The following TBC1D12 variants were observed in gnomAD, a reference collection of about 807,000 sequenced individuals.
TBC1D12 encodes the protein TBC1 domain family member 12, also known as TBC1 domain family, member 12.
In TBC1D12, 56 loss-of-function variants were observed where a neutral mutation model predicts 86.7. The observed-to-expected ratio is 0.65, with a 90% CI of 0.52 to 0.81. The LOEUF is 0.81. Ranked by LOEUF, TBC1D12 falls within the 30% of genes least tolerant of loss-of-function variation. TBC1D12 has a pLI of 0.00. For synonymous variants in TBC1D12, 421 were observed against 411.7 expected (o/e 1.02, Z -0.27); for missense variants, 1,023 against 1,038.8 (o/e 0.98, Z 0.21).
intron 6 of TBC1D12, among the ~76,000 whole-genome samples, chr10:94,502,976 AGT>A (rs1288791032): frequency 1.3e-5 from 2 of 152,192 alleles, no homozygotes; most frequent in Non-Finnish European, 2.9e-5. Context: ...ATGTACATAA[AGT>A]GTGCATCTAC....
In TBC1D12 at chr10:94,479,985, C is replaced by T. The variant is rs950412951; in HGVS notation, c.1211+5202C>T. 4.6e-5 allele frequency among the ~76,000 whole-genome samples: 7 copies of T among 152,154 alleles called. No homozygotes were observed. The South Asian group carries it at 1.2e-3, about 27-fold the overall frequency. On this transcript the variant is annotated intron_variant, in intron 3 of 12. Transcript: ENST00000225235. ...TGGTGACCTTATGCTAACCGCAGAA[C>T]GGGCTTGGGGACCCACTGGGCCCAC...
intron 6 of TBC1D12, among the ~76,000 whole-genome samples, chr10:94,504,821 A>AT: frequency 6.6e-6 from 1 of 152,358 alleles, no homozygotes; most frequent in East Asian, 1.9e-4. Flanking sequence ...TAATATCATA[A>AT]TTGTCACAAA....
At chr10:94,412,653 A>G (rs1487051915) in intron 1 of TBC1D12, among the ~76,000 whole-genome samples, 2 of 152,238 alleles carry the variant, frequency 1.3e-5, no homozygotes, top group African/African-American at 4.8e-5. Context: ...CATGCATTTC[A>G]TACTTAGTAT....
At chr10:94,477,657 A>G (rs2134151007) in intron 3 of TBC1D12, among the ~76,000 whole-genome samples, 2 of 152,284 alleles carry the variant, frequency 1.3e-5, no homozygotes, top group Middle Eastern at 3.4e-3. Flanking sequence ...CTGTTTATGG[A>G]TGCAGGCAGA....
rs934064732 is a variant in TBC1D12 at position 94,501,927 on chromosome 10, G to A, written c.1519+1600G>A. On this transcript the variant is annotated intron_variant, in intron 6 of 12. Transcript: ENST00000225235. Reference sequence around the variant, plus strand: ...GCCTGTAGTCCTAGCTACTTGGGAGGTTTAGATGGGAGGATTGCTTGAGCC... The same window carrying A: ...GCCTGTAGTCCTAGCTACTTGGGAGATTTAGATGGGAGGATTGCTTGAGCC... Among the ~76,000 whole-genome samples the A allele has an allele frequency of 5.9e-5, 9 of 152,172 alleles. No homozygotes were observed. The South Asian group carries it at 1.9e-3, about 32-fold the overall frequency.
At chr10:94,504,228 G>A (rs2056434099) in intron 6 of TBC1D12, among the ~76,000 whole-genome samples, 1 of 152,130 alleles carries the variant, frequency 6.6e-6, no homozygotes, top group South Asian at 2.1e-4. Context: ...AGTTATGTTT[G>A]CAATTTTTAT....
At chr10:94,477,045 A>T (rs1290131948) in intron 3 of TBC1D12, among the ~76,000 whole-genome samples, 1 of 152,238 alleles carries the variant, frequency 6.6e-6, no homozygotes, top group African/African-American at 2.4e-5. Flanking sequence ...CAATAACATT[A>T]TGAAAAGAAC....
chr10:94,517,011 G>A (rs1166631825), intron 9 of TBC1D12, among the ~76,000 whole-genome samples: 1 of 151,884 alleles, frequency 6.6e-6, no homozygotes, highest in African/African-American at 2.4e-5. Context: ...GCCTCCCAAA[G>A]TGCTGGGTTT....
At chr10:94,436,596 A>G (rs1012775273) in intron 1 of TBC1D12, among the ~76,000 whole-genome samples, 13 of 152,048 alleles carry the variant, frequency 8.5e-5, no homozygotes, top group African/African-American at 3.1e-4. Flanking sequence ...CTATCTTTCT[A>G]TTTAATGAGG....
chr10:94,473,019 T>C (rs778491420), intron 2 of TBC1D12, among the ~76,000 whole-genome samples: 10 of 151,940 alleles, frequency 6.6e-5, no homozygotes, highest in Non-Finnish European at 1.3e-4. Flanking sequence ...ACCAAATAAG[T>C]TGTTTTTTAA....
rs1280991737 is a variant in TBC1D12, at chr10:94,414,328, G to C, written c.971+10744G>C. On this transcript the variant is annotated intron_variant, in intron 1 of 12. Coordinates refer to ENST00000225235, the MANE Select transcript of TBC1D12 (RefSeq NM_015188.2). ...AAGTATAGTACGAGAAACTATTAGA[G>C]AATGAGTTTGAAGATATTCGTAGAG... is the stretch of plus-strand genomic sequence containing the variant. Among the ~76,000 whole-genome samples the C allele has an allele frequency of 2.0e-5, 3 of 152,202 alleles. No homozygotes were observed. In the East Asian group the frequency reaches 5.8e-4, roughly 29 times the overall value.
chr10:94,499,171 A>G (rs957712604), intron 5 of TBC1D12, among the ~76,000 whole-genome samples: 1 of 152,220 alleles, frequency 6.6e-6, no homozygotes, highest in East Asian at 1.9e-4. Flanking sequence ...GTGGTAAAAC[A>G]TTTAAAATCT....
intron 3 of TBC1D12, among the ~76,000 whole-genome samples, chr10:94,492,055 C>T (rs1355508897): frequency 1.3e-5 from 2 of 152,094 alleles, no homozygotes; most frequent in African/African-American, 4.8e-5. Flanking sequence ...TACCATAGAG[C>T]ACGGTGTTCA....
At chr10:94,524,674 G>A (rs568920106) in intron 11 of TBC1D12, among the ~76,000 whole-genome samples, 1 of 150,848 alleles carries the variant, frequency 6.6e-6, no homozygotes, top group East Asian at 2.0e-4. Context: ...GGGAGTTGGA[G>A]GTTGCAGTGA....
intron 1 of TBC1D12, among the ~76,000 whole-genome samples, chr10:94,410,860 C>T (rs927886369): frequency 4.6e-5 from 7 of 152,086 alleles, no homozygotes; most frequent in African/African-American, 7.2e-5. Flanking sequence ...TTCTGGACTT[C>T]GGTTTCCTTA....
chr10:94,524,888 G>A (rs187139451), intron 11 of TBC1D12, among the ~76,000 whole-genome samples: 3 of 151,424 alleles, frequency 2.0e-5, no homozygotes, highest in South Asian at 2.1e-4. Flanking sequence ...GTGCAGTGGC[G>A]CAATCACAGC....
In TBC1D12 at chr10:94,402,861, C is replaced by T. The variant is rs766600707; in HGVS notation, c.248C>T (p.Pro83Leu). Reference sequence around the variant, plus strand: ...GCGGCGGCCGGGGAGCAGCTGGAGCCGGGGCTCTGCTACTGTCCGCTCCCC... The same window carrying T: ...GCGGCGGCCGGGGAGCAGCTGGAGCTGGGGCTCTGCTACTGTCCGCTCCCC... ...YLAAAGEQLE[P>L]GLCYCPLPAG... is the part of the protein sequence containing the mutation. Residue 83 changes from proline (P) to leucine (L), a missense_variant, in exon 1 of 13, where the codon CCG (proline) becomes CTG (leucine). Physicochemically the swap from Pro to Leu is moderately conservative, Grantham distance 98. Transcript: ENST00000225235. 2 of 1,528,362 alleles carry T rather than the reference C, an allele frequency of 1.3e-6. No individual in the cohort carries two copies. The highest frequency in any genetic ancestry group is 2.8e-5 in the African/African-American group (2 of 71,538). The allele number at this position is 1,528,362 out of a possible 1,614,324, so 94.7% of individuals were successfully genotyped here.
At chr10:94,505,059 T>A (rs899206097) in intron 6 of TBC1D12, among the ~76,000 whole-genome samples, 4 of 152,186 alleles carry the variant, frequency 2.6e-5, no homozygotes, top group Admixed American at 2.6e-4. Context: ...TATTATTAGA[T>A]CAATTTTATG....
At chr10:94,515,966 AG>A (rs757536012) in intron 9 of TBC1D12, among the ~76,000 whole-genome samples, 1 of 152,218 alleles carries the variant, frequency 6.6e-6, no homozygotes, top group African/African-American at 2.4e-5. Flanking sequence ...AGGAAGGAGC[AG>A]GACCACTCCA....
Sources: allele counts gnomAD v4.1 joint callset (sites outside exome capture counted in the v4.1 genomes callset), GRCh38; gene constraint gnomAD v4.1.1; transcripts MANE v1.5; gene names NCBI Gene and HGNC (gene_info 2026-07-23, HGNC 2026-07-21).